Variants in PNO1 observed in about 807,000 individuals in gnomAD.
The protein encoded by PNO1 is partner of NOB1 homolog.
A neutral mutation model predicts 28.4 loss-of-function variants in PNO1; 16 were observed. The observed-to-expected ratio is 0.56, with a 90% CI of 0.38 to 0.85. The LOEUF (loss-of-function observed/expected upper bound fraction) is 0.85, where lower values mean the gene tolerates loss of function less well. PNO1 is among the 40% of genes least tolerant of loss of function. The pLI is 0.00. For missense variants in PNO1, 304 were observed against 312.2 expected (o/e 0.97, Z 0.20); for synonymous variants, 115 against 110.8 (o/e 1.04, Z -0.24).
Position 68,158,330 on chromosome 2 carries a change from C to T in PNO1, c.208-50C>T, listed in dbSNP as rs757772182. ...GTGGATCAGATGTCATTTTAAACTCCATCACCGTCCCTCCATAGCCTTCTG... is the reference window on the plus strand; with the variant it reads ...GTGGATCAGATGTCATTTTAAACTCTATCACCGTCCCTCCATAGCCTTCTG... On this transcript the variant is annotated intron_variant, in intron 1 of 6. Coordinates refer to ENST00000263657, the MANE Select transcript of PNO1 (RefSeq NM_020143.4). 4.5e-6 allele frequency: 7 copies of T among 1,548,202 alleles called. No individual in the cohort carries two copies. In the Admixed American group the frequency reaches 8.0e-5, roughly 18 times the overall value.
At chr2:68,169,547 C>CG (rs1674075254) in intron 5 of PNO1, among the ~76,000 whole-genome samples, 1 of 152,148 alleles carries the variant, frequency 6.6e-6, no homozygotes, top group African/African-American at 2.4e-5. Flanking sequence ...GTGAAGTTGT[C>CG]GTACAGTATG....
At chr2:68,170,284 T>C (rs943337490) in intron 5 of PNO1, among the ~76,000 whole-genome samples, 1 of 152,194 alleles carries the variant, frequency 6.6e-6, no homozygotes, top group Non-Finnish European at 1.5e-5. Flanking sequence ...TGGGAAATGA[T>C]GTTGCCTCTG....
chr2:68,165,680 C>CAA (rs200089067), intron 5 of PNO1, among the ~76,000 whole-genome samples: 1 of 137,232 alleles, frequency 7.3e-6, no homozygotes, highest in Admixed American at 7.4e-5. Flanking sequence ...GACTCTGTCT[C>CAA]AAAAAAAAAA....
chr2:68,174,288 G>GTTTTTTTTTT (rs34323809), intron 6 of PNO1, among the ~76,000 whole-genome samples: 2 of 106,800 alleles, frequency 1.9e-5, no homozygotes, highest in Non-Finnish European at 3.7e-5. Flanking sequence ...TTCTGTTAAG[G>GTTTTTTTTTT]TTTTTTTTTT....
intron 5 of PNO1, among the ~76,000 whole-genome samples, chr2:68,165,545 CAAAAAAAA>C (rs36126325): frequency 3.0e-5 from 2 of 67,210 alleles, no homozygotes; most frequent in African/African-American, 1.1e-4. Context: ...GACTCCATCT[CAAAAAAAA>C]AAAAAAAAAA....
At chr2:68,164,857 G>A (rs540509531) in intron 5 of PNO1, among the ~76,000 whole-genome samples, 5 of 152,224 alleles carry the variant, frequency 3.3e-5, no homozygotes, top group Admixed American at 3.3e-4. Flanking sequence ...CCGTATGGTG[G>A]GGTTACGTCC....
At position 68,158,158 on chromosome 2, in the gene PNO1, C is replaced by A. The variant is rs1318127090; in HGVS notation, c.207+17C>A. ...GGGCTCCTGGTATGTGGCTGGGACCCTAGGACAGCAACGAGGCAAGGGCCA... is the reference window on the plus strand; with the variant it reads ...GGGCTCCTGGTATGTGGCTGGGACCATAGGACAGCAACGAGGCAAGGGCCA... On this transcript the variant is annotated intron_variant, in intron 1 of 6. Transcript: ENST00000263657. 3 of 1,569,988 alleles carry A rather than the reference C, an allele frequency of 1.9e-6. No individual in the cohort carries two copies. The highest frequency in any genetic ancestry group is 2.3e-5 in the East Asian group (1 of 44,170).
In PNO1 at chr2:68,158,484, A is replaced by T. The variant is rs763587073; in HGVS notation, c.312A>T (p.Gly104=). Residue 104 remains glycine, a synonymous_variant, in exon 2 of 7, where the codon GGA becomes GGT. Transcript: ENST00000263657. ...KIFTPIVEHL[G]LQIRFNLKSR... is the part of the protein sequence containing the mutation. Reference sequence around the variant, plus strand: ...TTACTCCTATTGTGGAACATTTGGGACTTCAGATACGCTTTAACTTGAAAT... The same window carrying T: ...TTACTCCTATTGTGGAACATTTGGGTCTTCAGATACGCTTTAACTTGAAAT... 3.7e-6 allele frequency: 6 copies of T among 1,613,686 alleles called. No homozygotes were observed. In the South Asian group the frequency reaches 6.6e-5, roughly 18 times the overall value.
chr2:68,165,139 C>T (rs1572939226), intron 5 of PNO1, among the ~76,000 whole-genome samples: 1 of 151,240 alleles, frequency 6.6e-6, no homozygotes, highest in African/African-American at 2.4e-5. Flanking sequence ...CCGAGGCGGG[C>T]GGATCACGAG....
intron 2 of PNO1, among the ~76,000 whole-genome samples, chr2:68,159,278 GTA>G (rs1208002176): frequency 7.7e-5 from 11 of 143,096 alleles, no homozygotes; most frequent in African/African-American, 3.1e-4. Flanking sequence ...GTGTGTGTGT[GTA>G]TATATATCTT....
intron 5 of PNO1, among the ~76,000 whole-genome samples, chr2:68,169,493 A>G (rs1413804984): frequency 1.3e-5 from 2 of 152,206 alleles, no homozygotes; most frequent in African/African-American, 4.8e-5. Flanking sequence ...CTAAGTGGAT[A>G]CTTGCAACAC....
intron 5 of PNO1, among the ~76,000 whole-genome samples, chr2:68,166,939 C>T (rs1674010569): frequency 6.6e-6 from 1 of 152,190 alleles, no homozygotes. Context: ...CTTCACCCCT[C>T]ACTTTTGGCC....
At chr2:68,163,388 C>T (rs148045620) in intron 5 of PNO1, among the ~76,000 whole-genome samples, 57 of 152,118 alleles carry the variant, frequency 3.7e-4, no homozygotes, top group African/African-American at 7.5e-4. Flanking sequence ...AAAAATTAGC[C>T]GGGCATGTGG....
Position 68,174,798 on chromosome 2 carries a change from T to C in PNO1, c.755T>C (p.Phe252Ser). The change falls in exon 7 of 7, where the codon TTC (phenylalanine) becomes TCC (serine). Residue 252 changes from phenylalanine (F) to serine (S), a missense_variant. By Grantham distance (155) the Phe-to-Ser change is radical (BLOSUM62 -2). Transcript: ENST00000263657. Reference protein sequence around the residue: ...RAVASRSADRF With the variant: ...RAVASRSADRS ...GTGGCTAGCAGATCAGCAGATCGAT[T>C]CTGATTTCAAGTCAGAGACTTTTTA... 1 of 1,599,522 alleles carries C rather than the reference T, an allele frequency of 6.3e-7. No homozygotes were observed. The highest frequency in any genetic ancestry group is 1.1e-5 in the South Asian group (1 of 90,586).
intron 6 of PNO1, 98 bp from the exon 7 acceptor site, chr2:68,174,637 G>A (rs1352409858): frequency 2.8e-6 from 2 of 702,558 alleles, no homozygotes; most frequent in Non-Finnish European, 5.0e-6. Flanking sequence ...GGTGTCTGTG[G>A]GAGTCCTGAA....
rs1673866925 is a variant in PNO1 at position 68,162,660 on chromosome 2, A to G, written c.617A>G (p.Asp206Gly). The G allele has an allele frequency of 2.6e-6, 4 of 1,555,384 alleles. No individual in the cohort carries two copies. Among genetic ancestry groups the G allele is most frequent in the East Asian group, 2.2e-5 (1 of 44,608 alleles). ...NVTRTRIVLA[D>G]VKVHILGSFQ... is the part of the protein sequence containing the mutation. ...ACACGGACAAGGATAGTTTTGGCTGATGTGTAAGTATCTGATCTTGAGAAA... is the reference window on the plus strand; with the variant it reads ...ACACGGACAAGGATAGTTTTGGCTGGTGTGTAAGTATCTGATCTTGAGAAA... Residue 206 changes from aspartate (D) to glycine (G), a missense_variant, in exon 5 of 7, where the codon GAT (aspartate) becomes GGT (glycine). Coordinates refer to ENST00000263657, the MANE Select transcript of PNO1 (RefSeq NM_020143.4).
intron 2 of PNO1, among the ~76,000 whole-genome samples, chr2:68,160,066 T>A (rs1288724322): frequency 2.0e-5 from 3 of 151,334 alleles, no homozygotes; most frequent in Non-Finnish European, 4.4e-5. Flanking sequence ...CCTCCTGGAT[T>A]CATGCCATTC....
At chr2:68,173,601 G>C (rs1158010919) in intron 6 of PNO1, among the ~76,000 whole-genome samples, 184 bp downstream of exon 6, 1 of 76,096 alleles carries the variant, frequency 1.3e-5, no homozygotes. Flanking sequence ...TTTTTTTTCT[G>C]AGCCAGAGTC....
chr2:68,161,598 GGGAAA>G (rs1169041116), intron 2 of PNO1, 80 bp from the exon 3 acceptor site: 2 of 845,652 alleles, frequency 2.4e-6, no homozygotes, highest in African/African-American at 3.4e-5. Flanking sequence ...CTCCAATAAT[GGGAAA>G]GGACATTTCC....
Sources: gnomAD v4.1 joint callset for allele counts (sites outside exome capture counted in the v4.1 genomes callset) on GRCh38, gnomAD v4.1.1 for gene constraint, MANE v1.5 for transcripts, NCBI Gene and HGNC (gene_info 2026-07-23, HGNC 2026-07-21) for gene names.